PTPN20: variants seen among roughly 807,000 people sequenced by gnomAD.
PTPN20 encodes tyrosine-protein phosphatase non-receptor type 20.
Under a neutral mutation model 35.0 loss-of-function variants are expected in PTPN20, and 9 were observed. The observed-to-expected ratio is 0.26, with a 90% CI of 0.15 to 0.45. The LOEUF is 0.45. Ranked by LOEUF, PTPN20 falls within the 20% of genes least tolerant of loss-of-function variation. The pLI, the probability that PTPN20 is intolerant of heterozygous loss-of-function variation, is 1.00. For missense variants in PTPN20, 111 were observed against 312.5 expected, an observed-to-expected ratio of 0.36 and a Z score of 4.86; for synonymous variants, 32 against 100.2, an observed-to-expected ratio of 0.32 and a Z score of 4.06.
Position 47,002,265 on chromosome 10 carries a change from T to C in PTPN20, c.*1524T>C, listed in dbSNP as rs984030318. On this transcript the variant is annotated 3_prime_UTR_variant, in exon 11 of 11. Transcript: ENST00000374339. ...ACTGTAAAATAATAGCTATAATGTA[T>C]AACAATTTTCTTCAGAAGAATTCTA... is the stretch of plus-strand genomic sequence containing the variant. 9 of 152,372 alleles carry C rather than the reference T, an allele frequency of 5.9e-5. No individual in the cohort carries two copies. The highest frequency in any genetic ancestry group is 2.2e-4 in the African/African-American group (9 of 41,450). The allele number at this position is 152,372 out of a possible 1,614,324, so 9.4% of individuals were successfully genotyped here. A position where few individuals can be genotyped will look rare whatever the true frequency, so the allele number is the denominator to read the frequency against.
chr10:46,951,738 T>C (rs1198264129), intron 5 of PTPN20, among the ~76,000 whole-genome samples: 1 of 142,482 alleles, frequency 7.0e-6, no homozygotes, highest in Non-Finnish European at 1.5e-5. Flanking sequence ...TTATCACATA[T>C]TAAGTTTCCA....
chr10:46,911,611 G>C (rs1319318591), intron 1 of PTPN20, 110 bp downstream of exon 1: 23,764 of 168,734 alleles, frequency 0.14, 18 homozygotes, highest in East Asian at 0.32. Context: ...ACGTGCAGGG[G>C]TCACAAGGCG....
intron 1 of PTPN20, chr10:46,925,978 A>T (rs1296260815): frequency 1.0e-6 from 1 of 983,994 alleles, no homozygotes; most frequent in Non-Finnish European, 1.2e-6. Context: ...TTCTTAGTGT[A>T]GATGCCTTCC....
intron 9 of PTPN20, among the ~76,000 whole-genome samples, chr10:46,992,268 G>A (rs1010326972): frequency 5.3e-5 from 8 of 151,622 alleles, no homozygotes; most frequent in South Asian, 2.1e-4. Flanking sequence ...GACTACAAGC[G>A]CGTGCCACCA....
At chr10:46,929,899 G>A (rs1555117354) in intron 1 of PTPN20, among the ~76,000 whole-genome samples, 2 of 144,954 alleles carry the variant, frequency 1.4e-5, no homozygotes, top group Non-Finnish European at 3.0e-5. Context: ...ATGTGTTGAT[G>A]TTGACTTGTA....
chr10:46,949,403 C>T (rs2045993560), intron 5 of PTPN20, among the ~76,000 whole-genome samples: 1 of 152,188 alleles, frequency 6.6e-6, no homozygotes, highest in Admixed American at 6.6e-5. Flanking sequence ...TTGTATAGTG[C>T]CTGGTATCTC....
chr10:46,932,584 A>T, intron 2 of PTPN20, 51 bp downstream of exon 2: 1 of 1,602,674 alleles, frequency 6.2e-7, no homozygotes, highest in Non-Finnish European at 8.5e-7. Flanking sequence ...GAGCTACAGG[A>T]GTGCCTCTCA....
Position 47,001,988 on chromosome 10 carries a change from G to A in PTPN20, c.*1247G>A, listed in dbSNP as rs1177209819. ...AGAATATTCTATGTATTGAGAAAAT[G>A]TTTAATATCAATCTATAAATCTTGA... On this transcript the variant is annotated 3_prime_UTR_variant, in exon 11 of 11. Coordinates refer to ENST00000374339, the MANE Select transcript of PTPN20 (RefSeq NM_001042357.5). 6.6e-6 allele frequency: 1 copy of A among 152,010 alleles called. No individual in the cohort carries two copies. The highest frequency in any genetic ancestry group is 2.4e-5 in the African/African-American group (1 of 41,420). 9.4% of individuals were successfully genotyped at this position (152,010 alleles called of 1,614,324 possible).
At chr10:46,946,942 C>G (rs1301515443) in intron 5 of PTPN20, 1 of 400,742 alleles carries the variant, frequency 2.5e-6, no homozygotes, top group African/African-American at 2.2e-5. Flanking sequence ...TTTTTTAAAG[C>G]TAGGTATTTT....
chr10:46,925,064 C>T (rs1255384888), intron 1 of PTPN20, among the ~76,000 whole-genome samples: 4 of 150,546 alleles, frequency 2.7e-5, no homozygotes, highest in Admixed American at 6.6e-5. Context: ...GTGACATACT[C>T]GGTACATGGA....
intron 5 of PTPN20, among the ~76,000 whole-genome samples, chr10:46,954,869 T>C (rs1407153642): frequency 6.6e-6 from 1 of 151,486 alleles, no homozygotes; most frequent in Non-Finnish European, 1.5e-5. Flanking sequence ...GCCCTCCTTA[T>C]CTGTAGATTC....
At chr10:46,957,557 C>T (rs2048763606) in intron 5 of PTPN20, among the ~76,000 whole-genome samples, 1 of 152,076 alleles carries the variant, frequency 6.6e-6, no homozygotes, top group Non-Finnish European at 1.5e-5. Flanking sequence ...GGCAACATGT[C>T]TCTACTAAAG....
chr10:46,994,418 G>A (rs975753920), intron 9 of PTPN20, among the ~76,000 whole-genome samples: 3 of 134,416 alleles, frequency 2.2e-5, no homozygotes, highest in African/African-American at 5.5e-5. Flanking sequence ...AAGCTCCGCC[G>A]CCTCCCAGGT....
At chr10:46,997,517 A>G in intron 9 of PTPN20, among the ~76,000 whole-genome samples, 2 of 151,982 alleles carry the variant, frequency 1.3e-5, no homozygotes, top group Middle Eastern at 3.4e-3. Context: ...CAAGTGCTAT[A>G]TTGAATAAGA....
chr10:46,957,658 C>T (rs2048808729), intron 5 of PTPN20, among the ~76,000 whole-genome samples: 1 of 150,674 alleles, frequency 6.6e-6, no homozygotes, highest in African/African-American at 2.5e-5. Flanking sequence ...AGGAGAGTCA[C>T]TTGAACCCAG....
chr10:46,980,184 A>G (rs2054938521), intron 7 of PTPN20, among the ~76,000 whole-genome samples: 1 of 119,736 alleles, frequency 8.4e-6, no homozygotes, highest in African/African-American at 3.0e-5. Flanking sequence ...CCTACAAGCA[A>G]AAAAGAGGCA....
At chr10:46,929,580 C>A (rs2132994924) in intron 1 of PTPN20, among the ~76,000 whole-genome samples, 1 of 151,626 alleles carries the variant, frequency 6.6e-6, no homozygotes, top group Non-Finnish European at 1.5e-5. Flanking sequence ...ACTAATTAGT[C>A]CCTCAAACAT....
chr10:46,988,945 G>T, intron 9 of PTPN20, among the ~76,000 whole-genome samples: 1 of 141,938 alleles, frequency 7.0e-6, no homozygotes, highest in African/African-American at 2.6e-5. Context: ...ATTTTTGTAT[G>T]TCGACTTTGT....
At chr10:46,966,262 T>C (rs1262336338) in intron 6 of PTPN20, among the ~76,000 whole-genome samples, 1 of 150,552 alleles carries the variant, frequency 6.6e-6, no homozygotes, top group Non-Finnish European at 1.5e-5. Context: ...TTGTGTGTCT[T>C]ACACGTAGTA....
Sources: gnomAD v4.1 joint callset for allele counts (sites outside exome capture counted in the v4.1 genomes callset) on GRCh38, gnomAD v4.1.1 for gene constraint, MANE v1.5 for transcripts, NCBI Gene and HGNC (gene_info 2026-07-23, HGNC 2026-07-21) for gene names.